The following SYNE1 variants were observed in gnomAD, a reference collection of about 807,000 sequenced individuals.
SYNE1 encodes the protein nesprin-1.
In SYNE1, 616 loss-of-function variants were observed where a neutral mutation model predicts 1,111.0. The observed-to-expected ratio is 0.55, with a 90% CI of 0.52 to 0.59. SYNE1 has a LOEUF of 0.59. SYNE1 is among the 20% of genes least tolerant of loss of function. The pLI, the probability that SYNE1 is intolerant of heterozygous loss-of-function variation, is 0.00. For synonymous variants in SYNE1, 3,855 were observed against 3,825.8 expected (o/e 1.01, Z -0.28); for missense variants, 10,006 against 10,417.0 (o/e 0.96, Z 1.72).
chr6:152,628,467 C>G lies in SYNE1; in HGVS notation c.-136G>C. 1 of 853,002 alleles carries G rather than the reference C, an allele frequency of 1.2e-6. No homozygotes were observed. The highest frequency in any genetic ancestry group is 1.9e-5 in the Admixed American group (1 of 51,766). 52.8% of individuals were successfully genotyped at this position (853,002 alleles called of 1,614,324 possible). The stretch of plus-strand genomic sequence containing the variant: ...AAATGAATTCCAGGCCTTTGCAGCA[C>G]TCAACAAGGAGGCAGCTCTCCCAAA... On this transcript the variant is annotated 5_prime_UTR_variant, in exon 3 of 146. Coordinates refer to ENST00000367255, the MANE Select transcript of SYNE1 (RefSeq NM_182961.4).
intron 3 of SYNE1, among the ~76,000 whole-genome samples, chr6:152,556,935 A>G (rs935570521): frequency 2.0e-5 from 3 of 152,216 alleles, no homozygotes; most frequent in Admixed American, 2.0e-4. Flanking sequence ...AGGGGCAAGT[A>G]AAATACTAGT....
intron 98 of SYNE1, among the ~76,000 whole-genome samples, chr6:152,275,381 G>A (rs1043096845): frequency 2.0e-5 from 3 of 152,150 alleles, no homozygotes; most frequent in Non-Finnish European, 2.9e-5. Context: ...ATATGGGGTA[G>A]AAAATACAGT....
chr6:152,231,714 C>T, intron 113 of SYNE1, 147 bp from the exon 114 acceptor site: 1 of 838,718 alleles, frequency 1.2e-6, no homozygotes. Flanking sequence ...TTCACACAAC[C>T]CATTATTTTT....
intron 112 of SYNE1, 71 bp from the exon 113 acceptor site, chr6:152,232,336 C>T (rs916864530): frequency 4.7e-6 from 7 of 1,500,440 alleles, no homozygotes; most frequent in African/African-American, 1.4e-5. Context: ...AACTTAAAAA[C>T]CCTACAATAA....
At chr6:152,175,882 A>G (rs1328898731) in intron 130 of SYNE1, among the ~76,000 whole-genome samples, 2 of 152,322 alleles carry the variant, frequency 1.3e-5, no homozygotes, top group South Asian at 2.1e-4. Flanking sequence ...TGAGGCAAAC[A>G]CTTATAGTTA....
At chr6:152,310,991 C>T (rs1249289758) in intron 87 of SYNE1, 118 bp from the exon 88 acceptor site, 3 of 1,038,666 alleles carry the variant, frequency 2.9e-6, no homozygotes, top group East Asian at 2.6e-5. Context: ...TTGTGTTTAA[C>T]CTTCACCCCC....
At chr6:152,480,915 A>G (rs979344053) in intron 14 of SYNE1, 1 of 408,182 alleles carries the variant, frequency 2.4e-6, no homozygotes, top group Non-Finnish European at 4.8e-6. Context: ...AGACTTTGGC[A>G]GAGAGATTGT....
chr6:152,347,202 G>C lies in SYNE1; in HGVS notation c.11935C>G (p.Arg3979Gly), dbSNP rs755560676. The C allele has an allele frequency of 6.2e-7, 1 of 1,614,106 alleles. No homozygotes were observed. The highest frequency in any genetic ancestry group is 8.5e-7 in the Non-Finnish European group (1 of 1,180,016). ...MMEEIAGFED[R>G]LNNLQMKGDT... ...CCTTTCATTTGAAGATTGTTCAAACGGTCTTCAAAACCAGCAATTTCTTCC... is the reference window on the plus strand; with the variant it reads ...CCTTTCATTTGAAGATTGTTCAAACCGTCTTCAAAACCAGCAATTTCTTCC... The change falls in exon 73 of 146, where the codon CGT becomes GGT. Residue 3979 changes from arginine (R) to glycine (G), a missense_variant. Around this residue, in one of 7 missense-constraint regions of SYNE1, gnomAD observed 4,955 missense variants for 5,017.2 expected, o/e 0.99. Coordinates refer to ENST00000367255, the MANE Select transcript of SYNE1 (RefSeq NM_182961.4).
In SYNE1 at chr6:152,281,980, C is replaced by G; in HGVS notation, c.18208G>C (p.Glu6070Gln). 6.2e-7 allele frequency: 1 copy of G among 1,613,440 alleles called. No individual in the cohort carries two copies. Among genetic ancestry groups the G allele is most frequent in the Non-Finnish European group, 8.5e-7 (1 of 1,179,760 alleles). ...KASGKRQLLE[E>Q]KLNDQLEEQR... The stretch of plus-strand genomic sequence containing the variant: ...TCCTCCAGCTGATCATTCAACTTCT[C>G]CTGTTGAATTCAGTAGAAGGTAATA... The change falls in exon 97 of 146, where the codon GAG becomes CAG. Residue 6070 changes from glutamate to glutamine, a missense_variant and splice_region_variant. This residue lies in a region of SYNE1 where 99 missense variants were observed against 147.8 expected (regional missense o/e 0.67). Coordinates refer to ENST00000367255, the MANE Select transcript of SYNE1 (RefSeq NM_182961.4).
At chr6:152,157,180 G>C (rs977335710) in intron 131 of SYNE1, among the ~76,000 whole-genome samples, 1 of 152,000 alleles carries the variant, frequency 6.6e-6, no homozygotes, top group African/African-American at 2.4e-5. Context: ...AGGTAACATG[G>C]TTATCAATGG....
chr6:152,512,405 A>G (rs2099089429), intron 6 of SYNE1, among the ~76,000 whole-genome samples: 1 of 152,182 alleles, frequency 6.6e-6, no homozygotes, highest in Admixed American at 6.5e-5. Flanking sequence ...ACTTTTTATG[A>G]AAGAATCTAC....
chr6:152,522,641 A>G (rs2099145456), intron 5 of SYNE1, among the ~76,000 whole-genome samples: 1 of 152,126 alleles, frequency 6.6e-6, no homozygotes, highest in Non-Finnish European at 1.5e-5. Context: ...CCGTTTTTCC[A>G]TAAAGGTTGT....
intron 55 of SYNE1, among the ~76,000 whole-genome samples, chr6:152,383,993 T>C (rs1056198613): frequency 2.0e-5 from 3 of 152,242 alleles, no homozygotes; most frequent in African/African-American, 7.2e-5. Flanking sequence ...CTTGTCATGC[T>C]ATAGCCCATT....
At chr6:152,184,437 CAAAAAAAAAAA>C (rs199660419) in intron 128 of SYNE1, among the ~76,000 whole-genome samples, 1 of 104,726 alleles carries the variant, frequency 9.5e-6, no homozygotes, top group Non-Finnish European at 2.1e-5. Flanking sequence ...AACTCTGTTT[CAAAAAAAAAAA>C]AAAAAAAAGA....
chr6:152,365,441 C>G (rs934683521), intron 62 of SYNE1, among the ~76,000 whole-genome samples: 2 of 152,044 alleles, frequency 1.3e-5, no homozygotes, highest in Non-Finnish European at 2.9e-5. Context: ...TATTCTTTTT[C>G]TATGTGAGAA....
intron 135 of SYNE1, among the ~76,000 whole-genome samples, chr6:152,150,939 G>C (rs550399105): frequency 1.3e-5 from 2 of 152,002 alleles, no homozygotes; most frequent in South Asian, 2.1e-4. Context: ...AGGCCAGGAA[G>C]GGTGGCTCAC....
rs1008950424 is a variant in SYNE1, at chr6:152,338,636, A to G, written c.12351+605T>C. ...TCAAAATAAAGAAACAAACAAACAA[A>G]CAAACGAGCAAACAAACCCAAATGT... On this transcript the variant is annotated intron_variant, in intron 75 of 145. Coordinates refer to ENST00000367255, the MANE Select transcript of SYNE1 (RefSeq NM_182961.4). Among the ~76,000 whole-genome samples the G allele has an allele frequency of 1.1e-4, 17 of 152,082 alleles. 1 individual carries two copies. Among genetic ancestry groups the G allele is most frequent in the Non-Finnish European group, 4.4e-5 (3 of 68,014 alleles).
intron 2 of SYNE1, among the ~76,000 whole-genome samples, chr6:152,629,458 G>A (rs2099693240): frequency 2.2e-5 from 3 of 139,342 alleles, no homozygotes; most frequent in South Asian, 2.4e-4. Context: ...TGCCCACCTC[G>A]GCCTCCCAAA....
intron 22 of SYNE1, chr6:152,456,770 TG>T (rs1248100216): frequency 1.8e-5 from 8 of 447,578 alleles, no homozygotes; most frequent in African/African-American, 1.4e-4. Context: ...TTTTTTGGCT[TG>T]AATTACACCA....
Sources: allele counts gnomAD v4.1 joint callset (sites outside exome capture counted in the v4.1 genomes callset), GRCh38; gene constraint gnomAD v4.1.1; regional missense constraint gnomAD v4.1.1; transcripts MANE v1.5; gene names NCBI Gene and HGNC (gene_info 2026-07-23, HGNC 2026-07-21).